Variants in NCAPG2 observed in about 807,000 individuals in gnomAD.
NCAPG2 encodes the protein condensin-2 complex subunit G2.
In NCAPG2, 53 loss-of-function variants were observed where a neutral mutation model predicts 141.1. The observed-to-expected ratio is 0.38, with a 90% CI of 0.30 to 0.47. The LOEUF (loss-of-function observed/expected upper bound fraction) is 0.47. Among genes scored for constraint, NCAPG2 ranks in the 20% least tolerant of loss-of-function variants. The pLI, the probability that NCAPG2 is intolerant of heterozygous loss-of-function variation, is 0.99. For missense variants in NCAPG2, 1,087 were observed against 1,389.0 expected (o/e 0.78, Z 3.46); for synonymous variants, 499 against 490.7 (o/e 1.02, Z -0.22).
At chr7:158,670,960 TA>T (rs1833643974) in intron 13 of NCAPG2, among the ~76,000 whole-genome samples, 1 of 152,094 alleles carries the variant, frequency 6.6e-6, no homozygotes. Context: ...TTATAAGCAA[TA>T]TTCTTGGCAA....
chr7:158,658,510 CAAG>C (rs1832202777), intron 16 of NCAPG2, 102 bp from the exon 17 acceptor site: 3 of 1,013,422 alleles, frequency 3.0e-6, no homozygotes, highest in Admixed American at 6.1e-5. Context: ...CAAAGTTGCT[CAAG>C]AAGAACCATG....
chr7:158,668,573 A>G, intron 13 of NCAPG2: 1 of 416,484 alleles, frequency 2.4e-6, no homozygotes, highest in Non-Finnish European at 3.2e-6. Flanking sequence ...CAGTTTAGAT[A>G]AAACAAGATC....
Position 158,701,942 on chromosome 7 carries a change from A to C in NCAPG2, c.-39-4T>G. The C allele has an allele frequency of 6.7e-7, 1 of 1,484,072 alleles. No homozygotes were observed. The highest frequency in any genetic ancestry group is 1.2e-5 in the South Asian group (1 of 82,314). The allele number at this position is 1,484,072 out of a possible 1,614,324, so 91.9% of individuals were successfully genotyped here. On this transcript the variant is annotated splice_polypyrimidine_tract_variant and splice_region_variant and intron_variant, in intron 1 of 27. Coordinates refer to ENST00000356309, the MANE Select transcript of NCAPG2 (RefSeq NM_017760.7). The stretch of plus-strand genomic sequence containing the variant: ...AAATGGCATTTATTTTGTAACCCTA[A>C]TGGAAAACACAATCATACTGAAACA...
chr7:158,659,025 T>TA (rs55893307), intron 16 of NCAPG2, among the ~76,000 whole-genome samples: 198 of 97,722 alleles, frequency 2.0e-3, no homozygotes, highest in Middle Eastern at 6.4e-3. Context: ...GCATTATATT[T>TA]AAAAAAAAAA....
In NCAPG2 at chr7:158,633,224, G is replaced by A. The variant is rs10255300; in HGVS notation, c.3381-1507C>T. ...TTCCCCCAAGTCTATCCCCACCCTC[G>A]TGACCTCTCCTCGTGAGTATTTATG... On this transcript the variant is annotated intron_variant, in intron 27 of 27. Coordinates refer to ENST00000356309, the MANE Select transcript of NCAPG2 (RefSeq NM_017760.7). This position sits in a 1 kb window ranked among gnomAD's most constrained non-coding sequence, Gnocchi z 4.1. Among the ~76,000 whole-genome samples, 926 of 151,982 alleles carry A rather than the reference G, an allele frequency of 6.1e-3. 8 individuals carry two copies. Among genetic ancestry groups the A allele is most frequent in the African/African-American group, 0.022 (896 of 41,436 alleles).
At chr7:158,653,389 AT>A (rs1469097182) in intron 22 of NCAPG2, among the ~76,000 whole-genome samples, 41 of 148,812 alleles carry the variant, frequency 2.8e-4, no homozygotes, top group African/African-American at 9.3e-4. Context: ...AAAAAAAAAA[AT>A]AATAATAATA....
At chr7:158,655,019 C>T in intron 21 of NCAPG2, 99 bp downstream of exon 21, 2 of 1,401,760 alleles carry the variant, frequency 1.4e-6, no homozygotes, top group Non-Finnish European at 1.9e-6. Flanking sequence ...TTAAGAATAA[C>T]ACTAATGTCT....
intron 16 of NCAPG2, among the ~76,000 whole-genome samples, chr7:158,658,734 GAATCTACT>G: frequency 6.6e-6 from 1 of 152,002 alleles, no homozygotes; most frequent in African/African-American, 2.4e-5. Flanking sequence ...GTCATGAATT[GAATCTACT>G]TTAAAAAACA....
chr7:158,701,150 T>C (rs1429396169), intron 2 of NCAPG2, among the ~76,000 whole-genome samples: 1 of 152,166 alleles, frequency 6.6e-6, no homozygotes, highest in Non-Finnish European at 1.5e-5. Context: ...GCCTGGGCCC[T>C]TCCCCACCAT....
At chr7:158,667,217 T>C (rs934476274) in intron 13 of NCAPG2, 2 of 985,426 alleles carry the variant, frequency 2.0e-6, no homozygotes, top group Non-Finnish European at 2.4e-6. Flanking sequence ...TTCTGCCTTC[T>C]TCCTCTGCTC....
intron 5 of NCAPG2, among the ~76,000 whole-genome samples, 169 bp from the exon 6 acceptor site, chr7:158,690,122 G>A (rs1669934152): frequency 6.6e-6 from 1 of 152,052 alleles, no homozygotes. Flanking sequence ...GCCCCCTATA[G>A]CTCTACAGAA....
At chr7:158,694,664 G>T (rs1056030044) in intron 2 of NCAPG2, among the ~76,000 whole-genome samples, 3 of 152,128 alleles carry the variant, frequency 2.0e-5, no homozygotes, top group African/African-American at 7.2e-5. Flanking sequence ...AACTGTCGGG[G>T]TCATAAAAAA....
intron 1 of NCAPG2, among the ~76,000 whole-genome samples, chr7:158,702,596 A>C (rs918283414): frequency 1.2e-4 from 18 of 152,330 alleles, no homozygotes; most frequent in African/African-American, 4.3e-4. Flanking sequence ...TGCCCTACTG[A>C]AAAAACATCA....
chr7:158,656,143 C>T lies in NCAPG2; in HGVS notation c.2388+117G>A. The T allele has an allele frequency of 3.8e-6, 5 of 1,333,262 alleles. No individual in the cohort carries two copies. The South Asian group carries it at 7.1e-5, about 19-fold the overall frequency. 82.6% of individuals were successfully genotyped at this position (1,333,262 alleles called of 1,614,324 possible). On this transcript the variant is annotated intron_variant, in intron 19 of 27. Transcript: ENST00000356309. ...AACTGAATGAGGTGACATGATCACTCTCAATTCTGTTCCAGCCAGAACACT... is the reference window on the plus strand; with the variant it reads ...AACTGAATGAGGTGACATGATCACTTTCAATTCTGTTCCAGCCAGAACACT...
chr7:158,631,683 C>G lies in NCAPG2; in HGVS notation c.3415G>C (p.Glu1139Gln), dbSNP rs778216077. Residue 1139 changes from glutamate (E) to glutamine (Q), a missense_variant, in exon 28 of 28, where the codon GAA becomes CAA. By Grantham distance (29) the Glu-to-Gln change is conservative. Transcript: ENST00000356309. ...LYESSSRTLG[E>Q]LLNS Reference sequence around the variant, plus strand: ...TGGCTTGGTTATGAATTCAAAAGTTCTCCCAGAGTTCTTGATGATGATTCA... The same window carrying G: ...TGGCTTGGTTATGAATTCAAAAGTTGTCCCAGAGTTCTTGATGATGATTCA... 1.3e-6 allele frequency: 2 copies of G among 1,599,506 alleles called. No individual in the cohort carries two copies. Among genetic ancestry groups the G allele is most frequent in the Non-Finnish European group, 1.7e-6 (2 of 1,167,274 alleles).
chr7:158,683,921 T>C (rs1425081384), intron 8 of NCAPG2, among the ~76,000 whole-genome samples: 2 of 152,116 alleles, frequency 1.3e-5, no homozygotes, highest in Non-Finnish European at 2.9e-5. Context: ...GTACTCAGAG[T>C]GCAGCAACTG....
intron 16 of NCAPG2, 97 bp from the exon 17 acceptor site, chr7:158,658,505 T>A: frequency 8.9e-7 from 1 of 1,124,026 alleles, no homozygotes. Flanking sequence ...ACTACCAAAG[T>A]TGCTCAAGAA....
intron 24 of NCAPG2, among the ~76,000 whole-genome samples, chr7:158,650,058 AT>A (rs1232983594): frequency 6.6e-6 from 1 of 151,664 alleles, no homozygotes; most frequent in Non-Finnish European, 1.5e-5. Flanking sequence ...TATTAGCTAC[AT>A]TTTTTTTTCT....
chr7:158,686,473 T>C (rs1039699683), intron 7 of NCAPG2, among the ~76,000 whole-genome samples: 2 of 152,166 alleles, frequency 1.3e-5, no homozygotes, highest in Non-Finnish European at 2.9e-5. Context: ...CAGTCAAGGC[T>C]TACCCAAAAC....
Sources: gnomAD v4.1 joint callset for allele counts (sites outside exome capture counted in the v4.1 genomes callset) on GRCh38, gnomAD v4.1.1 for gene constraint, Gnocchi (gnomAD v3.1) non-coding constraint, MANE v1.5 for transcripts, NCBI Gene and HGNC (gene_info 2026-07-23, HGNC 2026-07-21) for gene names.